The following CALN1 variants were observed in gnomAD, a reference collection of about 807,000 sequenced individuals.
The protein encoded by CALN1 is calcium-binding protein 8.
Under a neutral mutation model 30.6 loss-of-function variants are expected in CALN1, and 17 were observed. That is an observed-to-expected ratio of 0.56 (90% CI 0.38 to 0.83). CALN1 has a LOEUF of 0.83. Among genes scored for constraint, CALN1 ranks in the 40% least tolerant of loss-of-function variants. The pLI, the probability that CALN1 is intolerant of heterozygous loss-of-function variation, is 0.00. For missense variants in CALN1, 291 were observed against 354.9 expected (o/e 0.82, Z 1.45); for synonymous variants, 156 against 131.4 (o/e 1.19, Z -1.28).
intron 2 of CALN1, among the ~76,000 whole-genome samples, chr7:72,293,364 G>A (rs1237187359): frequency 1.3e-5 from 2 of 152,126 alleles, no homozygotes; most frequent in African/African-American, 2.4e-5. Context: ...AGATGGAAAG[G>A]CTTTGCTCTG....
the CALN1 span, among the ~76,000 whole-genome samples, chr7:72,473,119 G>GTT: frequency 3.5e-5 from 5 of 143,504 alleles, no homozygotes; most frequent in African/African-American, 1.0e-4. Flanking sequence ...TGTTCTTTTT[G>GTT]TTTTTTTTTT....
At chr7:71,909,833 C>T (rs1482419253) in intron 5 of CALN1, among the ~76,000 whole-genome samples, 1 of 152,144 alleles carries the variant, frequency 6.6e-6, no homozygotes, top group Admixed American at 6.6e-5. Context: ...GTGATGATAA[C>T]CCCTTAGAGA....
At chr7:72,155,079 TA>T (rs1362836604) in intron 3 of CALN1, among the ~76,000 whole-genome samples, 8 of 151,914 alleles carry the variant, frequency 5.3e-5, no homozygotes, top group African/African-American at 1.9e-4. Context: ...GATAATTAAT[TA>T]ATTTTTAAAA....
At chr7:71,947,263 G>C (rs147752648) in intron 5 of CALN1, among the ~76,000 whole-genome samples, 1 of 152,170 alleles carries the variant, frequency 6.6e-6, no homozygotes, top group Middle Eastern at 3.4e-3. Context: ...TGCCCACCTC[G>C]GCCTCCCGAA....
At chr7:71,885,244 C>G (rs371198754) in intron 5 of CALN1, among the ~76,000 whole-genome samples, 9 of 151,856 alleles carry the variant, frequency 5.9e-5, no homozygotes, top group African/African-American at 2.2e-4. Context: ...CTCTGCCTCC[C>G]AGGTTCACAC....
At chr7:72,359,609 A>G (rs1803439154) in intron 2 of CALN1, among the ~76,000 whole-genome samples, 1 of 152,178 alleles carries the variant, frequency 6.6e-6, no homozygotes, top group Admixed American at 6.6e-5. Flanking sequence ...TCCTGACAAA[A>G]AAGAATAACC....
chr7:72,488,293 C>A, the CALN1 span, among the ~76,000 whole-genome samples: 1 of 151,908 alleles, frequency 6.6e-6, no homozygotes, highest in Non-Finnish European at 1.5e-5. Flanking sequence ...ATTGCTTGAG[C>A]CCAGGAAGTT....
intron 4 of CALN1, among the ~76,000 whole-genome samples, chr7:72,076,343 A>C (rs1158309923): frequency 6.6e-6 from 1 of 151,720 alleles, no homozygotes; most frequent in African/African-American, 2.4e-5. Flanking sequence ...TCACTCCTGT[A>C]ATCTCAGCAC....
At position 72,088,735 on chromosome 7, in the gene CALN1, A is replaced by AGGAAGGAAG. The variant is rs967917788; in HGVS notation, c.388+17407_388+17415dup. 2.0e-5 allele frequency among the ~76,000 whole-genome samples: 3 copies of AGGAAGGAAG among 149,490 alleles called. No individual in the cohort carries two copies. The East Asian group carries it at 6.1e-4, about 30-fold the overall frequency. ...AAAAAAAAAGAAAGAAGAAAGAAGAAGGAAGGAAGGGAAGGAAGGAAGAGA... is the reference window on the plus strand; with the variant it reads ...AAAAAAAAAGAAAGAAGAAAGAAGAAGGAAGGAAGGGAAGGAAGGGAAGGAAGGAAGAGA... On this transcript the variant is annotated intron_variant, in intron 4 of 6. Coordinates refer to ENST00000395275, the MANE Select transcript of CALN1 (RefSeq NM_031468.4).
At chr7:72,288,647 G>C (rs1798265249) in intron 2 of CALN1, among the ~76,000 whole-genome samples, 1 of 152,164 alleles carries the variant, frequency 6.6e-6, no homozygotes, top group Non-Finnish European at 1.5e-5. Context: ...TTAGCAGACT[G>C]TTTCATTTTT....
In CALN1 at chr7:72,079,896, G is replaced by A. The variant is rs544780389; in HGVS notation, c.388+26255C>T. ...AATGATTCTCCTGCCTCAGCCTCCC[G>A]AGTAGCTGGGATTACAGGCATCTGC... On this transcript the variant is annotated intron_variant, in intron 4 of 6. Transcript: ENST00000395275. Among the ~76,000 whole-genome samples the A allele has an allele frequency of 4.7e-5, 7 of 149,918 alleles. No individual in the cohort carries two copies. In the South Asian group the frequency reaches 6.4e-4, roughly 14 times the overall value.
intron 2 of CALN1, among the ~76,000 whole-genome samples, chr7:72,363,724 C>CTTTTTTTTT (rs66989275): frequency 8.9e-6 from 1 of 111,862 alleles, no homozygotes; most frequent in South Asian, 3.0e-4. Flanking sequence ...TTAAAAAAAA[C>CTTTTTTTTT]TTTTTTTTTT....
intron 5 of CALN1, among the ~76,000 whole-genome samples, chr7:71,964,359 T>C (rs916182566): frequency 6.6e-6 from 1 of 152,164 alleles, no homozygotes; most frequent in African/African-American, 2.4e-5. Context: ...TGGGCGTCTG[T>C]TACAGTGTGC....
chr7:71,845,255 T>C lies in CALN1; in HGVS notation c.502-34763A>G, dbSNP rs575817488. Among the ~76,000 whole-genome samples the C allele has an allele frequency of 1.1e-4, 16 of 152,298 alleles. No homozygotes were observed. In the South Asian group the frequency reaches 2.9e-3, roughly 28 times the overall value. ...AAAACAAGCTAAGTCTGAAAAACAA[T>C]GTCAGGTAAGAATTTCATATGGAAC... On this transcript the variant is annotated intron_variant, in intron 5 of 6. Coordinates refer to ENST00000395275, the MANE Select transcript of CALN1 (RefSeq NM_031468.4).
At chr7:72,501,096 A>C in the CALN1 span, among the ~76,000 whole-genome samples, 2 of 152,252 alleles carry the variant, frequency 1.3e-5, no homozygotes, top group African/African-American at 4.8e-5. Flanking sequence ...ATATCTTCCA[A>C]GAAGAGCTTT....
intron 5 of CALN1, among the ~76,000 whole-genome samples, chr7:71,985,584 C>CTT (rs962922789): frequency 0.019 from 1,785 of 96,290 alleles, 8 homozygotes; most frequent in East Asian, 0.043. Flanking sequence ...AGGTAGTTTT[C>CTT]TTTTTTTTTT....
intron 5 of CALN1, among the ~76,000 whole-genome samples, chr7:71,917,992 C>A (rs547846827): frequency 2.6e-5 from 4 of 152,144 alleles, no homozygotes; most frequent in African/African-American, 7.2e-5. Flanking sequence ...TGTTTAGGGT[C>A]GATGGCATGC....
At chr7:72,123,300 T>C (rs1457995079) in intron 3 of CALN1, among the ~76,000 whole-genome samples, 1 of 152,192 alleles carries the variant, frequency 6.6e-6, no homozygotes, top group Non-Finnish European at 1.5e-5. Flanking sequence ...AAAATTCTTC[T>C]AAAGCCATCT....
At chr7:72,385,232 T>C (rs529978306) in intron 2 of CALN1, among the ~76,000 whole-genome samples, 2 of 152,302 alleles carry the variant, frequency 1.3e-5, no homozygotes, top group Admixed American at 1.3e-4. Flanking sequence ...TGGGAGACAA[T>C]TTAGAAGTTT....
Sources: allele counts gnomAD v4.1 joint callset (sites outside exome capture counted in the v4.1 genomes callset), GRCh38; gene constraint gnomAD v4.1.1; transcripts MANE v1.5; gene names NCBI Gene and HGNC (gene_info 2026-07-23, HGNC 2026-07-21).